Variants in IPO4 observed in about 807,000 individuals in gnomAD.
The protein encoded by IPO4 is importin-4.
IPO4 carries 91 observed loss-of-function variants against 133.5 expected under a neutral mutation model. The observed-to-expected ratio is 0.68, with a 90% CI of 0.58 to 0.81. The LOEUF (loss-of-function observed/expected upper bound fraction) is 0.81. Ranked by LOEUF, IPO4 falls within the 30% of genes least tolerant of loss-of-function variation. The pLI is 0.00. For synonymous variants in IPO4, 607 were observed against 581.6 expected, an observed-to-expected ratio of 1.04 and a Z score of -0.63; for missense variants, 1,279 against 1,386.2, an observed-to-expected ratio of 0.92 and a Z score of 1.23.
intron 11 of IPO4, 77 bp downstream of exon 11, chr14:24,186,052 G>T (rs2039217489): frequency 6.3e-7 from 1 of 1,596,998 alleles, no homozygotes; most frequent in African/African-American, 1.3e-5. Flanking sequence ...CACCTCCCAG[G>T]GTCTAAACGT....
Position 24,182,165 on chromosome 14 carries a change from T to C in IPO4, c.2599-2A>G. ...CTCTGCCACTGTGCAGCCCTGTTTC[T>C]GATGGGGGAGAACAGGAAGGAGTAC... is the stretch of plus-strand genomic sequence containing the variant. On this transcript the variant is annotated splice_acceptor_variant, in intron 25 of 29. Coordinates refer to ENST00000354464, the MANE Select transcript of IPO4 (RefSeq NM_024658.4). LOFTEE classifies it high-confidence loss of function. 1 of 1,614,076 alleles carries C rather than the reference T, an allele frequency of 6.2e-7. No individual in the cohort carries two copies. Among genetic ancestry groups the C allele is most frequent in the Non-Finnish European group, 8.5e-7 (1 of 1,180,000 alleles).
chr14:24,184,507 C>T (rs2039189449), intron 16 of IPO4, 89 bp from the exon 17 acceptor site: 2 of 1,501,726 alleles, frequency 1.3e-6, no homozygotes, highest in African/African-American at 1.4e-5. Flanking sequence ...AGAAATCCCG[C>T]CCCACCCCTT....
rs752150172 is a variant in IPO4 at position 24,182,380 on chromosome 14, C to T, written c.2496G>A (p.Leu832=). 41 of 1,612,922 alleles carry T rather than the reference C, an allele frequency of 2.5e-5. 1 individual carries two copies. In the South Asian group the frequency reaches 4.3e-4, roughly 17 times the overall value. ...CAGGGATGGCCTCTCCAGCGTGCTC[C>T]AGCAACATGGCGTCGTATTCAGCCT... ...DDQAEYDAML[L]EHAGEAIPAL... is the part of the protein sequence containing the mutation. Residue 832 remains leucine, a synonymous_variant, in exon 25 of 30, where the codon CTG becomes CTA. Transcript: ENST00000354464.
intron 15 of IPO4, 45 bp downstream of exon 15, chr14:24,184,822 C>A: frequency 6.2e-7 from 1 of 1,605,074 alleles, no homozygotes; most frequent in Non-Finnish European, 8.5e-7. Context: ...AGCCACAGGG[C>A]CTTTGGGTGA....
In IPO4 at chr14:24,180,393, T is replaced by TA. The variant is rs747717354; in HGVS notation, c.*48dup. 1 of 1,582,562 alleles carries TA rather than the reference T, an allele frequency of 6.3e-7. No homozygotes were observed. The highest frequency in any genetic ancestry group is 1.3e-5 in the African/African-American group (1 of 74,464). On this transcript the variant is annotated 3_prime_UTR_variant, in exon 30 of 30. Coordinates refer to ENST00000354464, the MANE Select transcript of IPO4 (RefSeq NM_024658.4). ...ACTGAACTGGGCTGAGAGGTGGTCT[T>TA]AAGGCCTGGGCAGGCTCTATTCTCT...
chr14:24,182,162 T>C lies in IPO4; in HGVS notation c.2600A>G (p.Lys867Arg). 6.2e-7 allele frequency: 1 copy of C among 1,614,098 alleles called. No individual in the cohort carries two copies. The highest frequency in any genetic ancestry group is 8.5e-7 in the Non-Finnish European group (1 of 1,180,014). Residue 867 changes from lysine (K) to arginine (R), a missense_variant and splice_region_variant, in exon 26 of 30, where the codon AAA (lysine) becomes AGA (arginine). Around this residue, in one of 3 missense-constraint regions of IPO4, gnomAD observed 575 missense variants for 653.4 expected, o/e 0.88. Coordinates refer to ENST00000354464, the MANE Select transcript of IPO4 (RefSeq NM_024658.4). ...CTTCTCTGCCACTGTGCAGCCCTGT[T>C]TCTGATGGGGGAGAACAGGAAGGAG... Reference protein sequence around the residue: ...GFLPLLVCKTKQGCTVAEKSF... With the variant: ...GFLPLLVCKTRQGCTVAEKSF...
At chr14:24,187,861 C>T (rs770734803) in intron 4 of IPO4, 65 bp from the exon 5 acceptor site, 11 of 1,593,096 alleles carry the variant, frequency 6.9e-6, no homozygotes, top group South Asian at 1.1e-5. Context: ...AGTGGCCAGG[C>T]TCAATGGGGC....
In IPO4 at chr14:24,182,126, A is replaced by G; in HGVS notation, c.2636T>C (p.Val879Ala). ...CTGAATAGTCTCTGCCAAGGTCCCC[A>G]CTGCAAAGGACTTCTCTGCCACTGT... ...GCTVAEKSFA[V>A]GTLAETIQGL... The change falls in exon 26 of 30, where the codon GTG (valine) becomes GCG (alanine). Residue 879 changes from valine to alanine, a missense_variant. Physicochemically the swap from Val to Ala is moderately conservative, Grantham distance 64 (BLOSUM62 0). Coordinates refer to ENST00000354464, the MANE Select transcript of IPO4 (RefSeq NM_024658.4). 6.2e-7 allele frequency: 1 copy of G among 1,614,070 alleles called. No homozygotes were observed. Among genetic ancestry groups the G allele is most frequent in the Middle Eastern group, 1.6e-4 (1 of 6,062 alleles).
At chr14:24,187,274 C>T in intron 6 of IPO4, 124 bp from the exon 7 acceptor site, 3 of 1,455,778 alleles carry the variant, frequency 2.1e-6, no homozygotes, top group Non-Finnish European at 2.9e-6. Context: ...CCTACAGCAT[C>T]CCCTCTCAAT....
intron 24 of IPO4, 187 bp downstream of exon 24, chr14:24,182,605 G>T: frequency 1.1e-6 from 1 of 942,260 alleles, no homozygotes; most frequent in Non-Finnish European, 1.7e-6. Flanking sequence ...GCACACCCCA[G>T]TCCACACTGC....
At chr14:24,181,034 AAC>A (rs2039128977) in intron 28 of IPO4, among the ~76,000 whole-genome samples, 1 of 152,194 alleles carries the variant, frequency 6.6e-6, no homozygotes, top group African/African-American at 2.4e-5. Context: ...TCACCTACAC[AAC>A]AGTCTCTAAA....
rs2138821190 is a variant in IPO4, at chr14:24,187,946, GA to G, written c.279-151del. On this transcript the variant is annotated intron_variant, in intron 4 of 29. Transcript: ENST00000354464. ...TTGGGACACATGAGACAGCAGCTCA[GA>G]GGGAGCCCAACAGCACTGTGGGCAT... 4.2e-6 allele frequency: 4 copies of G among 950,402 alleles called. No individual in the cohort carries two copies. In the East Asian group the frequency reaches 1.1e-4, roughly 25 times the overall value. The allele number at this position is 950,402 out of a possible 1,614,324, so 58.9% of individuals were successfully genotyped here. A position where few individuals can be genotyped will look rare whatever the true frequency, so the allele number is the denominator to read the frequency against.
chr14:24,181,733 G>A lies in IPO4; in HGVS notation c.2918C>T (p.Pro973Leu), dbSNP rs2039139782. 6.2e-7 allele frequency: 1 copy of A among 1,602,538 alleles called. No individual in the cohort carries two copies. The highest frequency in any genetic ancestry group is 8.5e-7 in the Non-Finnish European group (1 of 1,172,700). ...CACCTGGGGCTCTGGTTTCCTGGTG[G>A]GACTGGCCATCAACAGGCGGGCAAG... ...GALARLLMAS[P>L]TRKPEPQVLA... Residue 973 changes from proline to leucine, a missense_variant, in exon 27 of 30, where the codon CCC becomes CTC. This residue lies in a region of IPO4 where 575 missense variants were observed against 653.4 expected (regional missense o/e 0.88). Coordinates refer to ENST00000354464, the MANE Select transcript of IPO4 (RefSeq NM_024658.4).
chr14:24,184,741 C>T lies in IPO4; in HGVS notation c.1545G>A (p.Leu515=), dbSNP rs199521914. ...GAIATAAQAS[L]LPYFPAIMEH... The stretch of plus-strand genomic sequence containing the variant: ...CCATGATGGCAGGGAAGTAGGGCAG[C>T]AGCGAGGCCTGGGCAGCCGTAGCTG... The change falls in exon 16 of 30, where the codon CTG becomes CTA. Residue 515 remains leucine (L), a synonymous_variant. Transcript: ENST00000354464. 5,142 of 1,612,854 alleles carry T rather than the reference C, an allele frequency of 3.2e-3. 11 individuals are homozygous for T. The highest frequency in any genetic ancestry group is 3.6e-3 in the Non-Finnish European group (4,265 of 1,179,436).
chr14:24,185,131 C>T, intron 14 of IPO4, 52 bp downstream of exon 14: 1 of 1,609,718 alleles, frequency 6.2e-7, no homozygotes, highest in East Asian at 2.2e-5. Context: ...GTACATTCAG[C>T]CAAAGCCGCC....
intron 16 of IPO4, 86 bp downstream of exon 16, chr14:24,184,564 G>A: frequency 1.4e-6 from 2 of 1,401,200 alleles, no homozygotes; most frequent in Non-Finnish European, 1.9e-6. Flanking sequence ...AGACATCCGT[G>A]CTCCTGTGGG....
At chr14:24,181,000 A>C (rs1437734197) in intron 28 of IPO4, among the ~76,000 whole-genome samples, 3 of 152,146 alleles carry the variant, frequency 2.0e-5, no homozygotes, top group Admixed American at 2.0e-4. Context: ...TCAAGACCTA[A>C]AGAAACCCAG....
chr14:24,185,870 A>T lies in IPO4; in HGVS notation c.1160T>A (p.Ile387Asn). ...ACAGGGGAATACATACCTCTGCCTG[A>T]TGTGGTCGCCAGCTCCGTCAGACAG... is the stretch of plus-strand genomic sequence containing the variant. ...AVLSDGAGDH[I>N]RQRLLPPLLQ... The change falls in exon 12 of 30, where the codon ATC (isoleucine) becomes AAC (asparagine). Residue 387 changes from isoleucine to asparagine, a missense_variant. Transcript: ENST00000354464. 6.2e-7 allele frequency: 1 copy of T among 1,613,308 alleles called. No homozygotes were observed. Among genetic ancestry groups the T allele is most frequent in the Non-Finnish European group, 8.5e-7 (1 of 1,179,674 alleles).
At chr14:24,186,050 A>T in intron 11 of IPO4, 79 bp downstream of exon 11, 3 of 1,598,448 alleles carry the variant, frequency 1.9e-6, no homozygotes, top group Non-Finnish European at 2.6e-6. Context: ...CACACCTCCC[A>T]GGGTCTAAAC....
Sources: allele counts gnomAD v4.1 joint callset (sites outside exome capture counted in the v4.1 genomes callset), GRCh38; gene constraint gnomAD v4.1.1; regional missense constraint gnomAD v4.1.1; transcripts MANE v1.5; gene names NCBI Gene and HGNC (gene_info 2026-07-23, HGNC 2026-07-21).